Variants in NCAM2 observed in about 807,000 individuals in gnomAD.
NCAM2 encodes the protein N-CAM-2.
A neutral mutation model predicts 98.1 loss-of-function variants in NCAM2; 30 were observed. The observed-to-expected ratio is 0.31, with a 90% CI of 0.23 to 0.41. The LOEUF (loss-of-function observed/expected upper bound fraction) is 0.41. Among genes scored for constraint, NCAM2 ranks in the 10% least tolerant of loss-of-function variants. The pLI is 1.00. For synonymous variants in NCAM2, 368 were observed against 342.4 expected (o/e 1.07, Z -0.83); for missense variants, 867 against 1,005.8 (o/e 0.86, Z 1.87).
chr21:21,263,586 C>T (rs1392260833), intron 1 of NCAM2, among the ~76,000 whole-genome samples: 1 of 151,962 alleles, frequency 6.6e-6, no homozygotes, highest in African/African-American at 2.4e-5. Context: ...GCCAAAGGCA[C>T]CACATTGCCT....
intron 1 of NCAM2, among the ~76,000 whole-genome samples, chr21:21,246,967 G>A (rs1261976410): frequency 6.6e-6 from 1 of 151,998 alleles, no homozygotes; most frequent in Non-Finnish European, 1.5e-5. Flanking sequence ...TAACCTACTG[G>A]GTAAACAGCT....
chr21:21,134,388 G>T (rs1048643068), intron 1 of NCAM2, among the ~76,000 whole-genome samples: 2 of 151,930 alleles, frequency 1.3e-5, no homozygotes, highest in Non-Finnish European at 2.9e-5. Context: ...TCTTCTATTT[G>T]CTTCTTAACT....
chr21:21,187,321 A>G (rs897564452), intron 1 of NCAM2, among the ~76,000 whole-genome samples: 1 of 152,196 alleles, frequency 6.6e-6, no homozygotes, highest in Non-Finnish European at 1.5e-5. Flanking sequence ...TAATTTTACT[A>G]GACAACATCA....
chr21:21,436,518 T>C (rs1291524710), intron 12 of NCAM2, among the ~76,000 whole-genome samples: 1 of 152,232 alleles, frequency 6.6e-6, no homozygotes, highest in Non-Finnish European at 1.5e-5. Context: ...TATTTTATGG[T>C]ACTTCTCTTA....
chr21:21,264,974 T>TACAC (rs1207315829), intron 1 of NCAM2, among the ~76,000 whole-genome samples: 31 of 126,082 alleles, frequency 2.5e-4, no homozygotes, highest in Non-Finnish European at 4.7e-4. Context: ...TATATACACA[T>TACAC]ATATATTATA....
At chr21:21,515,929 G>A (rs551116311) in intron 16 of NCAM2, among the ~76,000 whole-genome samples, 1 of 152,244 alleles carries the variant, frequency 6.6e-6, no homozygotes, top group African/African-American at 2.4e-5. Flanking sequence ...CATGGGCCAT[G>A]TAATTTTAAA....
chr21:21,042,844 CAT>C (rs1288337209), intron 1 of NCAM2, among the ~76,000 whole-genome samples: 2 of 152,132 alleles, frequency 1.3e-5, no homozygotes, highest in African/African-American at 4.8e-5. Flanking sequence ...TAAATAACAA[CAT>C]AATTTATTTA....
chr21:21,531,225 T>C (rs939035884), intron 16 of NCAM2, among the ~76,000 whole-genome samples: 2 of 152,358 alleles, frequency 1.3e-5, no homozygotes, highest in Admixed American at 1.3e-4. Flanking sequence ...TGCTATTTAT[T>C]ACATGAAAGT....
intron 1 of NCAM2, among the ~76,000 whole-genome samples, chr21:21,179,991 C>T (rs1387353149): frequency 6.6e-6 from 1 of 152,182 alleles, no homozygotes. Context: ...GCCAGACAGT[C>T]CCAAATGGCC....
chr21:21,046,111 T>C (rs1285511818), intron 1 of NCAM2, among the ~76,000 whole-genome samples: 1 of 152,174 alleles, frequency 6.6e-6, no homozygotes, highest in African/African-American at 2.4e-5. Context: ...TGAAGTGATA[T>C]ATGTAAAGCA....
chr21:21,082,104 T>G (rs1006416560), intron 1 of NCAM2, among the ~76,000 whole-genome samples: 1 of 151,124 alleles, frequency 6.6e-6, no homozygotes, highest in Non-Finnish European at 1.5e-5. Context: ...GGCAGGCGCA[T>G]GTAGTCCCAA....
chr21:21,062,529 C>T (rs1240106605), intron 1 of NCAM2, among the ~76,000 whole-genome samples: 1 of 152,174 alleles, frequency 6.6e-6, no homozygotes. Flanking sequence ...AGGAAGCTTG[C>T]CCTTTAGGAC....
Position 21,084,856 on chromosome 21 carries a change from G to T in NCAM2, c.55+86238G>T, listed in dbSNP as rs60925898. On this transcript the variant is annotated intron_variant, in intron 1 of 17. Transcript: ENST00000400546. ...AAAATTATAGAGCTTTATACTTAGG[G>T]CTTATAGTAAAAATAGTACCTTTTT... Among the ~76,000 whole-genome samples, 782 of 152,204 alleles carry T rather than the reference G, an allele frequency of 5.1e-3. 6 individuals carry two copies. Among genetic ancestry groups the T allele is most frequent in the East Asian group, 0.042 (216 of 5,180 alleles).
At chr21:21,041,410 GA>G (rs1425806380) in intron 1 of NCAM2, among the ~76,000 whole-genome samples, 1 of 152,188 alleles carries the variant, frequency 6.6e-6, no homozygotes, top group African/African-American at 2.4e-5. Flanking sequence ...GCTGGTGACA[GA>G]AGGTGGGCAG....
chr21:21,477,814 G>T (rs1985365922), intron 15 of NCAM2, among the ~76,000 whole-genome samples: 1 of 152,182 alleles, frequency 6.6e-6, no homozygotes, highest in African/African-American at 2.4e-5. Flanking sequence ...TGCCAATCAT[G>T]TGGAGACTGA....
At chr21:21,191,820 G>A (rs2068833574) in intron 1 of NCAM2, among the ~76,000 whole-genome samples, 1 of 152,174 alleles carries the variant, frequency 6.6e-6, no homozygotes, top group South Asian at 2.1e-4. Flanking sequence ...CTGTCCTTAG[G>A]ATGATTGCAA....
intron 1 of NCAM2, among the ~76,000 whole-genome samples, chr21:21,251,551 A>G (rs1422481862): frequency 6.6e-6 from 1 of 152,044 alleles, no homozygotes; most frequent in Admixed American, 6.6e-5. Flanking sequence ...TATCCAGTCT[A>G]TCATTGATGC....
chr21:21,513,065 C>T (rs1988493816), intron 16 of NCAM2, among the ~76,000 whole-genome samples: 1 of 151,986 alleles, frequency 6.6e-6, no homozygotes, highest in Non-Finnish European at 1.5e-5. Flanking sequence ...ACTTTGGATA[C>T]ATTTTATTTC....
rs148887257 is a variant in NCAM2 at position 21,118,757 on chromosome 21, A to C, written c.55+120139A>C. Reference sequence around the variant, plus strand: ...ACCCACATCCATCCTCAACACACATATTATTTTACATTATCGGAGTTAGGA... The same window carrying C: ...ACCCACATCCATCCTCAACACACATCTTATTTTACATTATCGGAGTTAGGA... On this transcript the variant is annotated intron_variant, in intron 1 of 17. Coordinates refer to ENST00000400546, the MANE Select transcript of NCAM2 (RefSeq NM_004540.5). Among the ~76,000 whole-genome samples the C allele has an allele frequency of 6.0e-4, 91 of 152,012 alleles. No homozygotes were observed. In the East Asian group the frequency reaches 0.015, roughly 25 times the overall value.
Sources: allele counts gnomAD v4.1 joint callset (sites outside exome capture counted in the v4.1 genomes callset), GRCh38; gene constraint gnomAD v4.1.1; transcripts MANE v1.5; gene names NCBI Gene and HGNC (gene_info 2026-07-23, HGNC 2026-07-21).